The following PNRC2 variants were observed in gnomAD, a reference collection of about 807,000 sequenced individuals.
PNRC2 encodes proline rich nuclear receptor coactivator 2.
A neutral mutation model predicts 12.2 loss-of-function variants in PNRC2; 2 were observed. That is an observed-to-expected ratio of 0.16 (90% CI 0.07 to 0.52). PNRC2 has a LOEUF of 0.52. Among genes scored for constraint, PNRC2 ranks in the 20% least tolerant of loss-of-function variants. The pLI, the probability that PNRC2 is intolerant of heterozygous loss-of-function variation, is 0.95. For synonymous variants in PNRC2, 44 were observed against 53.9 expected (o/e 0.82, Z 0.80); for missense variants, 115 against 158.4 (o/e 0.73, Z 1.47).
rs779697948 is a variant in PNRC2, at chr1:23,961,597, A to G, written c.140A>G (p.His47Arg). 5.9e-4 allele frequency: 950 copies of G among 1,613,810 alleles called. No homozygotes were observed. The highest frequency in any genetic ancestry group is 1.6e-3 in the Middle Eastern group (10 of 6,078). ...KIVHKKKERG[H>R]GYNSSAAAWQ... ...GTTCATAAGAAAAAAGAAAGAGGAC[A>G]TGGTTATAACTCATCAGCAGCTGCC... Residue 47 changes from histidine to arginine, a missense_variant, in exon 3 of 3, where the codon CAT (histidine) becomes CGT (arginine). This residue lies in a region of PNRC2 where 98 missense variants were observed against 112.4 expected (regional missense o/e 0.87). Transcript: ENST00000334351.
chr1:23,960,846 C>T (rs1214676056), intron 1 of PNRC2, 83 bp from the exon 2 acceptor site: 9 of 396,266 alleles, frequency 2.3e-5, no homozygotes, highest in Admixed American at 8.8e-5. Context: ...GCCTTCTTTA[C>T]AGTCAACGAT....
intron 1 of PNRC2, among the ~76,000 whole-genome samples, 158 bp from the exon 2 acceptor site, chr1:23,960,771 T>C (rs113932615): frequency 0.077 from 11,678 of 152,232 alleles, 790 homozygotes; most frequent in African/African-American, 0.18. Flanking sequence ...TTTTAAATGG[T>C]CGTGGTTATA....
At chr1:23,960,400 A>C (rs1641254504) in intron 1 of PNRC2, among the ~76,000 whole-genome samples, 1 of 152,188 alleles carries the variant, frequency 6.6e-6, no homozygotes, top group Non-Finnish European at 1.5e-5. Flanking sequence ...TATATATTTA[A>C]GATGGGCTTA....
At position 23,961,564 on chromosome 1, in the gene PNRC2, T is replaced by G; in HGVS notation, c.107T>G (p.Met36Arg). ...AAGACCAAGGAACAGAATTCCCAGATGAAGATTGTTCATAAGAAAAAAGAA... is the reference window on the plus strand; with the variant it reads ...AAGACCAAGGAACAGAATTCCCAGAGGAAGATTGTTCATAAGAAAAAAGAA... ...RQKTKEQNSQ[M>R]KIVHKKKERG... The change falls in exon 3 of 3, where the codon ATG becomes AGG. Residue 36 changes from methionine (M) to arginine (R), a missense_variant. Met to Arg is a moderately conservative substitution (Grantham distance 91). Transcript: ENST00000334351. 1.2e-6 allele frequency: 2 copies of G among 1,613,680 alleles called. No homozygotes were observed. The highest frequency in any genetic ancestry group is 1.7e-6 in the Non-Finnish European group (2 of 1,179,618).
intron 1 of PNRC2, among the ~76,000 whole-genome samples, 162 bp downstream of exon 1, chr1:23,960,160 C>T (rs996599196): frequency 2.0e-4 from 30 of 152,252 alleles, no homozygotes; most frequent in African/African-American, 6.3e-4. Flanking sequence ...AGAGATGGGG[C>T]CACTGGGAAG....
chr1:23,962,293 T>A lies in PNRC2; in HGVS notation c.*416T>A, dbSNP rs1641295261. 5.7e-6 allele frequency: 1 copy of A among 174,740 alleles called. No homozygotes were observed. The highest frequency in any genetic ancestry group is 2.4e-5 in the African/African-American group (1 of 41,434). 10.8% of individuals were successfully genotyped at this position (174,740 alleles called of 1,614,324 possible). A position where few individuals can be genotyped will look rare whatever the true frequency, so the allele number is the denominator to read the frequency against. On this transcript the variant is annotated 3_prime_UTR_variant, in exon 3 of 3. Transcript: ENST00000334351. ...ATTAGAAACACCCAAACCAGTAATA[T>A]GCTAACCTGATGCACTGCTGAAAGA...
rs2148487589 is a variant in PNRC2, at chr1:23,960,939, T to C, written c.-214T>C. The C allele has an allele frequency of 2.5e-6, 1 of 399,134 alleles. No individual in the cohort carries two copies. Among genetic ancestry groups the C allele is most frequent in the South Asian group, 1.3e-4 (1 of 7,854 alleles). The allele number at this position is 399,134 out of a possible 1,614,324, so 24.7% of individuals were successfully genotyped here. ...TCTTTACTTTTCTAGCTAGGACTTC[T>C]CTCAAACTTGTGTGCTGAGGAGACT... On this transcript the variant is annotated 5_prime_UTR_variant, in exon 2 of 3. Transcript: ENST00000334351.
rs1376338434 is a variant in PNRC2 at position 23,960,924 on chromosome 1, T to A, written c.-224-5T>A. 2.5e-6 allele frequency: 1 copy of A among 398,904 alleles called. No homozygotes were observed. Among genetic ancestry groups the A allele is most frequent in the African/African-American group, 2.1e-5 (1 of 48,638 alleles). The allele number at this position is 398,904 out of a possible 1,614,324, so 24.7% of individuals were successfully genotyped here. ...GAAATAATGAAGTAATCTTTACTTTTCTAGCTAGGACTTCTCTCAAACTTG... is the reference window on the plus strand; with the variant it reads ...GAAATAATGAAGTAATCTTTACTTTACTAGCTAGGACTTCTCTCAAACTTG... On this transcript the variant is annotated splice_region_variant and splice_polypyrimidine_tract_variant and intron_variant, in intron 1 of 2. Coordinates refer to ENST00000334351, the MANE Select transcript of PNRC2 (RefSeq NM_017761.4).
intron 1 of PNRC2, among the ~76,000 whole-genome samples, chr1:23,960,615 T>C (rs1395608260): frequency 1.3e-5 from 2 of 152,202 alleles, no homozygotes; most frequent in Non-Finnish European, 2.9e-5. Context: ...TTGATATGAC[T>C]CAACATTTAA....
rs1318226293 is a variant in PNRC2, at chr1:23,962,904, A to C, written c.*1027A>C. 6.0e-6 allele frequency: 1 copy of C among 166,886 alleles called. No individual in the cohort carries two copies. Among genetic ancestry groups the C allele is most frequent in the African/African-American group, 2.4e-5 (1 of 41,424 alleles). The allele number at this position is 166,886 out of a possible 1,614,324, so 10.3% of individuals were successfully genotyped here. ...CCCTAGTGTAATAAGTTTTATAACT[A>C]AAAAGGTTTAAGCTGCTAAAACTAT... On this transcript the variant is annotated 3_prime_UTR_variant, in exon 3 of 3. Coordinates refer to ENST00000334351, the MANE Select transcript of PNRC2 (RefSeq NM_017761.4).
intron 1 of PNRC2, among the ~76,000 whole-genome samples, chr1:23,960,242 C>A (rs1414724693): frequency 6.6e-6 from 1 of 152,316 alleles, no homozygotes; most frequent in East Asian, 1.9e-4. Flanking sequence ...CCGGAAATGG[C>A]AATTTATTTA....
chr1:23,960,398 T>A (rs1641254484), intron 1 of PNRC2, among the ~76,000 whole-genome samples: 1 of 152,200 alleles, frequency 6.6e-6, no homozygotes, highest in Non-Finnish European at 1.5e-5. Flanking sequence ...TTTATATATT[T>A]AAGATGGGCT....
intron 1 of PNRC2, 146 bp from the exon 2 acceptor site, chr1:23,960,783 G>A (rs983563258): frequency 4.6e-4 from 176 of 384,482 alleles, no homozygotes; most frequent in African/African-American, 3.2e-3. Context: ...GTGGTTATAA[G>A]GTCAAAGAAA....
chr1:23,960,711 CACTT>C (rs1348109532), intron 1 of PNRC2, among the ~76,000 whole-genome samples: 1 of 152,198 alleles, frequency 6.6e-6, no homozygotes, highest in Admixed American at 6.5e-5. Context: ...GACTTGGAGA[CACTT>C]ACAAAAATTC....
rs1557551182 is a variant in PNRC2, at chr1:23,961,091, G to C, written c.-62G>C. ...ATCTTGGGCTTGGCAGCAAGGAAGAGGACAGGTAGTGGAGATCCTGCAATC... is the reference window on the plus strand; with the variant it reads ...ATCTTGGGCTTGGCAGCAAGGAAGACGACAGGTAGTGGAGATCCTGCAATC... On this transcript the variant is annotated 5_prime_UTR_variant, in exon 2 of 3. Transcript: ENST00000334351. 1 of 412,904 alleles carries C rather than the reference G, an allele frequency of 2.4e-6. No homozygotes were observed. The highest frequency in any genetic ancestry group is 4.3e-6 in the Non-Finnish European group (1 of 233,524). The allele number at this position is 412,904 out of a possible 1,614,324, so 25.6% of individuals were successfully genotyped here.
At position 23,963,093 on chromosome 1, in the gene PNRC2, T is replaced by G. The variant is rs1465973079; in HGVS notation, c.*1216T>G. 1 of 167,020 alleles carries G rather than the reference T, an allele frequency of 6.0e-6. No homozygotes were observed. Among genetic ancestry groups the G allele is most frequent in the Non-Finnish European group, 1.5e-5 (1 of 68,070 alleles). 10.3% of individuals were successfully genotyped at this position (167,020 alleles called of 1,614,324 possible). A position where few individuals can be genotyped will look rare whatever the true frequency, so the allele number is the denominator to read the frequency against. ...GGTGCCAGTGATGTTTTGTTTTTGT[T>G]TGGTCAAGGGGTAGGTGCAACCCAA... On this transcript the variant is annotated 3_prime_UTR_variant, in exon 3 of 3. Coordinates refer to ENST00000334351, the MANE Select transcript of PNRC2 (RefSeq NM_017761.4).
chr1:23,963,395 CAT>C lies in PNRC2; in HGVS notation c.*1519_*1520del, dbSNP rs1378808479. 1 of 143,392 alleles carries C rather than the reference CAT, an allele frequency of 7.0e-6. No individual in the cohort carries two copies. Among genetic ancestry groups the C allele is most frequent in the African/African-American group, 2.4e-5 (1 of 40,880 alleles). 8.9% of individuals were successfully genotyped at this position (143,392 alleles called of 1,614,324 possible). A position where few individuals can be genotyped will look rare whatever the true frequency, so the allele number is the denominator to read the frequency against. The stretch of plus-strand genomic sequence containing the variant: ...ACAAGTTTATGTAGTACTTAATGTA[CAT>C]GATATGAATGTGAAGCATAAAATTA... On this transcript the variant is annotated 3_prime_UTR_variant, in exon 3 of 3. Coordinates refer to ENST00000334351, the MANE Select transcript of PNRC2 (RefSeq NM_017761.4).
intron 2 of PNRC2, 82 bp from the exon 3 acceptor site, chr1:23,961,358 G>A (rs1641274055): frequency 3.0e-6 from 3 of 997,738 alleles, no homozygotes; most frequent in Non-Finnish European, 3.0e-6. Context: ...GGAGTTATAA[G>A]TTGGAGCCAT....
At chr1:23,959,644 G>A (rs1380956328), upstream of PNRC2, among the ~76,000 whole-genome samples, 5 of 152,310 alleles carry the variant, frequency 3.3e-5, no homozygotes, top group South Asian at 2.1e-4. Flanking sequence ...AGTTACTCCC[G>A]GCATGCTCCT....
Sources: gnomAD v4.1 joint callset for allele counts (sites outside exome capture counted in the v4.1 genomes callset) on GRCh38, gnomAD v4.1.1 for gene constraint, gnomAD v4.1.1 regional missense constraint, MANE v1.5 for transcripts, NCBI Gene and HGNC (gene_info 2026-07-23, HGNC 2026-07-21) for gene names.